Variants in TRIM44 observed in about 807,000 individuals in gnomAD.
TRIM44 encodes the protein tripartite motif-containing protein 44.
In TRIM44, 13 loss-of-function variants were observed where a neutral mutation model predicts 37.4. The observed-to-expected ratio is 0.35, with a 90% CI of 0.23 to 0.55. TRIM44 has a LOEUF of 0.55. Among genes scored for constraint, TRIM44 ranks in the 20% least tolerant of loss-of-function variants. TRIM44 has a pLI of 0.89. For missense variants in TRIM44, 426 were observed against 437.2 expected (o/e 0.97, Z 0.23); for synonymous variants, 175 against 157.2 (o/e 1.11, Z -0.85).
At chr11:35,803,274 A>T (rs1349806971) in intron 4 of TRIM44, among the ~76,000 whole-genome samples, 2 of 75,826 alleles carry the variant, frequency 2.6e-5, no homozygotes, top group Non-Finnish European at 7.2e-5. Flanking sequence ...AGTTTATTTA[A>T]AAAAAAAAAA....
In TRIM44 at chr11:35,815,135, C is replaced by A. The variant is rs1183617383; in HGVS notation, c.*8750C>A. ...ATTTATATGTCCCAGGCCAGGAGAT[C>A]AAATTAAGAGGAGGTTAGCTACTTT... is the stretch of plus-strand genomic sequence containing the variant. On this transcript the variant is annotated 3_prime_UTR_variant, in exon 5 of 5. Transcript: ENST00000299413. The A allele has an allele frequency of 2.0e-5, 3 of 152,140 alleles. No homozygotes were observed. Among genetic ancestry groups the A allele is most frequent in the Non-Finnish European group, 2.9e-5 (2 of 68,038 alleles). The allele number at this position is 152,140 out of a possible 1,614,324, so 9.4% of individuals were successfully genotyped here.
chr11:35,792,801 G>A (rs1853232351), intron 4 of TRIM44, among the ~76,000 whole-genome samples: 1 of 152,224 alleles, frequency 6.6e-6, no homozygotes, highest in Non-Finnish European at 1.5e-5. Flanking sequence ...GAGGCTGCAA[G>A]GATAGAGCAG....
At position 35,696,136 on chromosome 11, in the gene TRIM44, A is replaced by ATT. The variant is rs1197445648; in HGVS notation, c.747+10819_747+10820dup. ...TCATTTAGCCAAAATGATGAGTCAA[A>ATT]TTTTTTTTTTTTTTTTTTTTGAGAC... On this transcript the variant is annotated intron_variant, in intron 2 of 4. Coordinates refer to ENST00000299413, the MANE Select transcript of TRIM44 (RefSeq NM_017583.6). Among the ~76,000 whole-genome samples, 1,367 of 138,280 alleles carry ATT rather than the reference A, an allele frequency of 9.9e-3. 31 individuals carry two copies. Among genetic ancestry groups the ATT allele is most frequent in the African/African-American group, 0.033 (1,248 of 37,266 alleles). 90.7% of individuals were successfully genotyped at this position (138,280 alleles called of 152,430 possible). A position where few individuals can be genotyped will look rare whatever the true frequency, so the allele number is the denominator to read the frequency against.
intron 1 of TRIM44, among the ~76,000 whole-genome samples, chr11:35,677,070 T>C (rs1328617650): frequency 6.6e-6 from 1 of 152,222 alleles, no homozygotes; most frequent in Non-Finnish European, 1.5e-5. Context: ...TGATCCTTAA[T>C]AAAATTCCAC....
At chr11:35,753,748 C>G (rs899377192) in intron 4 of TRIM44, among the ~76,000 whole-genome samples, 2 of 150,982 alleles carry the variant, frequency 1.3e-5, no homozygotes, top group Non-Finnish European at 3.0e-5. Context: ...TTTCTTCAGA[C>G]AGAGTCTCGC....
chr11:35,794,840 A>G (rs1236967171), intron 4 of TRIM44, among the ~76,000 whole-genome samples: 2 of 152,248 alleles, frequency 1.3e-5, no homozygotes, highest in African/African-American at 2.4e-5. Context: ...TGCCAAGCAC[A>G]TTACCAGGTA....
intron 4 of TRIM44, among the ~76,000 whole-genome samples, chr11:35,804,948 G>A (rs570273646): frequency 3.3e-5 from 5 of 152,308 alleles, no homozygotes; most frequent in African/African-American, 1.2e-4. Flanking sequence ...GTCTTTCCCA[G>A]ATGGATGCAA....
chr11:35,737,414 A>G (rs1453504626), intron 4 of TRIM44, among the ~76,000 whole-genome samples: 3 of 151,788 alleles, frequency 2.0e-5, no homozygotes, highest in Non-Finnish European at 2.9e-5. Flanking sequence ...AGGCACAGTG[A>G]TGCGCACCTA....
chr11:35,731,410 C>T (rs565054727), intron 3 of TRIM44, among the ~76,000 whole-genome samples: 1 of 152,100 alleles, frequency 6.6e-6, no homozygotes, highest in East Asian at 1.9e-4. Flanking sequence ...TTAAACTAAC[C>T]TTGCATTTCT....
intron 1 of TRIM44, 47 bp downstream of exon 1, chr11:35,663,827 G>A (rs1342781509): frequency 8.4e-6 from 13 of 1,548,060 alleles, no homozygotes; most frequent in Non-Finnish European, 1.1e-5. Context: ...CAGGACACCT[G>A]GGTTTCAACT....
Position 35,811,949 on chromosome 11 carries a change from C to G in TRIM44, c.*5564C>G, listed in dbSNP as rs1404517027. On this transcript the variant is annotated 3_prime_UTR_variant, in exon 5 of 5. Transcript: ENST00000299413. ...TGTCTCCGAGAGCAATCATTAGGCC[C>G]TACTTCCTCTTCCCCAGTTGCGGAG... 6.6e-6 allele frequency: 1 copy of G among 152,248 alleles called. No homozygotes were observed. Among genetic ancestry groups the G allele is most frequent in the African/African-American group, 2.4e-5 (1 of 41,460 alleles). 9.4% of individuals were successfully genotyped at this position (152,248 alleles called of 1,614,324 possible). A position where few individuals can be genotyped will look rare whatever the true frequency, so the allele number is the denominator to read the frequency against.
chr11:35,742,886 G>A (rs970611508), intron 4 of TRIM44, among the ~76,000 whole-genome samples: 3 of 148,648 alleles, frequency 2.0e-5, no homozygotes, highest in Non-Finnish European at 3.0e-5. Flanking sequence ...AAACTGAGTC[G>A]CAGAGAGGTT....
chr11:35,705,897 G>T (rs186111752), intron 2 of TRIM44, among the ~76,000 whole-genome samples: 1,572 of 148,620 alleles, frequency 0.011, 174 homozygotes, highest in Non-Finnish European at 0.016. Context: ...GCAGAGGCAA[G>T]AAATAACTAA....
At position 35,808,225 on chromosome 11, in the gene TRIM44, A is replaced by AAAAAAG. The variant is rs56255775; in HGVS notation, c.*1840_*1841insAAAAAG. On this transcript the variant is annotated 3_prime_UTR_variant, in exon 5 of 5. Transcript: ENST00000299413. ...GAGGTGTTAAAAAAAAAAAAAAAAAAGCATTTTTCTCTCAAACTGATGGCC... is the reference window on the plus strand; with the variant it reads ...GAGGTGTTAAAAAAAAAAAAAAAAAAAAAAAGGCATTTTTCTCTCAAACTGATGGCC... 1 of 150,704 alleles carries AAAAAAG rather than the reference A, an allele frequency of 6.6e-6. No homozygotes were observed. 9.3% of individuals were successfully genotyped at this position (150,704 alleles called of 1,614,324 possible).
intron 2 of TRIM44, among the ~76,000 whole-genome samples, chr11:35,692,719 TCGGGAC>T (rs1851651209): frequency 6.6e-6 from 1 of 151,942 alleles, no homozygotes; most frequent in Non-Finnish European, 1.5e-5. Flanking sequence ...GGTCAGGAGA[TCGGGAC>T]CATCCTGGCA....
chr11:35,759,507 G>T (rs1161670391), intron 4 of TRIM44, among the ~76,000 whole-genome samples: 1 of 152,188 alleles, frequency 6.6e-6, no homozygotes, highest in African/African-American at 2.4e-5. Context: ...ACTCGTCAAA[G>T]TCATTCTCTG....
In TRIM44 at chr11:35,768,459, A is replaced by G. The variant is rs182112225; in HGVS notation, c.1007+33014A>G. ...TGTTTCCAAATTCCACATTTTTCCCAATATGCCTCACGGCTACCAGATCTC... is the reference window on the plus strand; with the variant it reads ...TGTTTCCAAATTCCACATTTTTCCCGATATGCCTCACGGCTACCAGATCTC... On this transcript the variant is annotated intron_variant, in intron 4 of 4. Coordinates refer to ENST00000299413, the MANE Select transcript of TRIM44 (RefSeq NM_017583.6). 2.6e-4 allele frequency among the ~76,000 whole-genome samples: 40 copies of G among 152,268 alleles called. No individual in the cohort carries two copies. In the Middle Eastern group the frequency reaches 0.014, roughly 52 times the overall value.
At chr11:35,756,374 G>C (rs1276064941) in intron 4 of TRIM44, among the ~76,000 whole-genome samples, 1 of 152,202 alleles carries the variant, frequency 6.6e-6, no homozygotes, top group African/African-American at 2.4e-5. Context: ...AGACTTTGCT[G>C]AAGTTGCCTA....
In TRIM44 at chr11:35,813,827, T is replaced by C. The variant is rs942405814; in HGVS notation, c.*7442T>C. On this transcript the variant is annotated 3_prime_UTR_variant, in exon 5 of 5. Transcript: ENST00000299413. ...GGAATAAACCTTTGACCATCCAGAA[T>C]ATTTAGCTAAATCAAACAGTGTATA... The C allele has an allele frequency of 2.0e-5, 3 of 152,120 alleles. No individual in the cohort carries two copies. The highest frequency in any genetic ancestry group is 4.4e-5 in the Non-Finnish European group (3 of 68,016). 9.4% of individuals were successfully genotyped at this position (152,120 alleles called of 1,614,324 possible).
Sources: allele counts gnomAD v4.1 joint callset (sites outside exome capture counted in the v4.1 genomes callset), GRCh38; gene constraint gnomAD v4.1.1; transcripts MANE v1.5; gene names NCBI Gene and HGNC (gene_info 2026-07-23, HGNC 2026-07-21).